The following CELSR1 variants were observed in gnomAD, a reference collection of about 807,000 sequenced individuals.
CELSR1 encodes the protein cadherin EGF LAG seven-pass G-type receptor 1.
A neutral mutation model predicts 249.1 loss-of-function variants in CELSR1; 110 were observed. The ratio of observed to expected loss-of-function variants is 0.44; its 90% CI spans 0.38 to 0.52. CELSR1 has a LOEUF of 0.52. Ranked by LOEUF, CELSR1 falls within the 20% of genes least tolerant of loss-of-function variation. The probability of loss-of-function intolerance (pLI) is 0.00; values close to 1 mark genes in which losing one functional copy is unlikely to be tolerated. For synonymous variants in CELSR1, 2,113 were observed against 1,900.0 expected (o/e 1.11, Z -2.92); for missense variants, 4,109 against 4,296.4 (o/e 0.96, Z 1.22).
At position 46,488,160 on chromosome 22, in the gene CELSR1, G is replaced by A. The variant is rs1474365701; in HGVS notation, c.3545-23815C>T. The stretch of plus-strand genomic sequence containing the variant: ...GGGCTCTGCAGGCTGACAGCAGCTG[G>A]GTGACAGCAGGAAGCAGCTGTGGTC... On this transcript the variant is annotated intron_variant, in intron 1 of 34. Coordinates refer to ENST00000674500, the MANE Select transcript of CELSR1 (RefSeq NM_001378328.1). This position sits in a 1 kb window ranked among gnomAD's most constrained non-coding sequence, Gnocchi z 4.7. 6.6e-6 allele frequency among the ~76,000 whole-genome samples: 1 copy of A among 151,920 alleles called. No individual in the cohort carries two copies. Among genetic ancestry groups the A allele is most frequent in the Non-Finnish European group, 1.5e-5 (1 of 67,924 alleles).
chr22:46,533,513 GC>G, intron 1 of CELSR1, 113 bp downstream of exon 1: 1 of 1,423,108 alleles, frequency 7.0e-7, no homozygotes, highest in Non-Finnish European at 9.3e-7. Flanking sequence ...TTGCAGAGTT[GC>G]CCGGGCCCGG....
In CELSR1 at chr22:46,389,467, C is replaced by T. The variant is rs748685500; in HGVS notation, c.6378G>A (p.Val2126=). Reference sequence around the variant, plus strand: ...CCAGCTGCAGGGCCCTGGCGCCGTCCACCTGCGTCTCATTGCGGCTCAGCT... The same window carrying T: ...CCAGCTGCAGGGCCCTGGCGCCGTCTACCTGCGTCTCATTGCGGCTCAGCT... The part of the protein sequence containing the change: ...NEKLSRNETQ[V]DGARALQLVR... The change falls in exon 18 of 35, where the codon GTG becomes GTA. Residue 2126 remains valine (V), a synonymous_variant. Transcript: ENST00000674500. The T allele has an allele frequency of 6.2e-7, 1 of 1,613,342 alleles. No individual in the cohort carries two copies. The highest frequency in any genetic ancestry group is 1.1e-5 in the South Asian group (1 of 91,078).
chr22:46,446,620 G>A lies in CELSR1; in HGVS notation c.4184-7209C>T, dbSNP rs932337607. 6.6e-6 allele frequency among the ~76,000 whole-genome samples: 1 copy of A among 151,846 alleles called. No individual in the cohort carries two copies. On this transcript the variant is annotated intron_variant, in intron 2 of 34. Coordinates refer to ENST00000674500, the MANE Select transcript of CELSR1 (RefSeq NM_001378328.1). This position sits in a 1 kb window ranked among gnomAD's most constrained non-coding sequence, Gnocchi z 5.5. ...AGGGTCGCAGGGGGTCGGTGGGGGG[G>A]AAAGCTGGGTCCATAGCAGGTACTG...
At chr22:46,389,164 G>C in intron 18 of CELSR1, 126 bp downstream of exon 18, 1 of 1,051,632 alleles carries the variant, frequency 9.5e-7, no homozygotes, top group South Asian at 1.3e-5. Flanking sequence ...TGAGAAATGA[G>C]GATGGGGATC....
At chr22:46,459,416 A>C (rs982850141) in intron 2 of CELSR1, among the ~76,000 whole-genome samples, 1 of 152,196 alleles carries the variant, frequency 6.6e-6, no homozygotes, top group African/African-American at 2.4e-5. Flanking sequence ...TGCCCCTTTC[A>C]ACCAGCACAG....
At chr22:46,489,439 G>A (rs1402712861) in intron 1 of CELSR1, among the ~76,000 whole-genome samples, 1 of 151,384 alleles carries the variant, frequency 6.6e-6, no homozygotes, top group Non-Finnish European at 1.5e-5. Flanking sequence ...CCCCAAGCTT[G>A]GGGGCCCCAA....
intron 1 of CELSR1, among the ~76,000 whole-genome samples, chr22:46,531,626 C>G (rs78767240): frequency 6.7e-4 from 102 of 152,308 alleles, no homozygotes; most frequent in African/African-American, 2.4e-3. Context: ...TTCTGCGGAT[C>G]GTGGTTTAAC....
rs777935236 is a variant in CELSR1, at chr22:46,396,681, C to T, written c.5767G>A (p.Val1923Met). ...LNPCENMGAC[V>M]RSPGSPQGYV... The stretch of plus-strand genomic sequence containing the variant: ...CCCTGCGGGGAGCCGGGGGAGCGCA[C>T]GCAGGCCCCCATGTTCTCGCAGGGG... The change falls in exon 13 of 35, where the codon GTG becomes ATG. Residue 1923 changes from valine to methionine, a missense_variant. Physicochemically the swap from Val to Met is conservative, Grantham distance 21. Transcript: ENST00000674500. This position sits in a 1 kb window ranked among gnomAD's most constrained non-coding sequence, Gnocchi z 6.4. The T allele has an allele frequency of 6.2e-6, 10 of 1,612,770 alleles. No individual in the cohort carries two copies. Among genetic ancestry groups the T allele is most frequent in the East Asian group, 2.2e-5 (1 of 44,832 alleles).
At chr22:46,475,279 AAGG>A (rs1244341317) in intron 1 of CELSR1, among the ~76,000 whole-genome samples, 14 of 152,164 alleles carry the variant, frequency 9.2e-5, no homozygotes, top group Non-Finnish European at 1.9e-4. Context: ...CACAAGAAAT[AAGG>A]AGGCCTTAAA....
intron 2 of CELSR1, among the ~76,000 whole-genome samples, chr22:46,444,601 T>C (rs1602145267): frequency 6.6e-6 from 1 of 152,184 alleles, no homozygotes; most frequent in Admixed American, 6.5e-5. Flanking sequence ...TAATGCGGAG[T>C]TGTATTTGCT....
intron 2 of CELSR1, among the ~76,000 whole-genome samples, chr22:46,462,081 G>A (rs73888513): frequency 5.1e-4 from 77 of 152,378 alleles, no homozygotes; most frequent in African/African-American, 1.9e-3. Context: ...TGTGGGCTGT[G>A]GGAGGCGGGG....
In CELSR1 at chr22:46,364,238, A is replaced by G; in HGVS notation, c.8793T>C (p.Asn2931=). Residue 2931 remains asparagine, a synonymous_variant, in exon 34 of 35, where the codon AAT becomes AAC. Transcript: ENST00000674500. ...PPEQRKGILK[N]KVTYPPPLTL... is the part of the protein sequence containing the mutation. ...TCAGCGGCGGCGGGTAGGTGACTTT[A>G]TTTTTCAAGATGCCTGGGAGGAGGA... 1.9e-6 allele frequency: 3 copies of G among 1,608,366 alleles called. No individual in the cohort carries two copies. The highest frequency in any genetic ancestry group is 2.2e-5 in the South Asian group (2 of 91,030).
intron 19 of CELSR1, among the ~76,000 whole-genome samples, chr22:46,385,987 T>TTTTTTTTTG (rs1479557409): frequency 6.6e-6 from 1 of 150,998 alleles, no homozygotes; most frequent in Admixed American, 6.6e-5. Flanking sequence ...TTTTTTTTTT[T>TTTTTTTTTG]GAGATGGAGT....
Position 46,535,958 on chromosome 22 carries a change from T to C in CELSR1, c.1213A>G (p.Ser405Gly). ...GAWDVFQLNE[S>G]SGVVSTRAVL... ...GCCCGTGTGCTCACCACGCCAGAGCTCTCGTTGAGCTGGAAGACGTCCCAC... is the reference window on the plus strand; with the variant it reads ...GCCCGTGTGCTCACCACGCCAGAGCCCTCGTTGAGCTGGAAGACGTCCCAC... Residue 405 changes from serine (S) to glycine (G), a missense_variant, in exon 1 of 35, where the codon AGC becomes GGC. By Grantham distance (56) the Ser-to-Gly change is moderately conservative (BLOSUM62 0). Coordinates refer to ENST00000674500, the MANE Select transcript of CELSR1 (RefSeq NM_001378328.1). 1 of 1,610,188 alleles carries C rather than the reference T, an allele frequency of 6.2e-7. No individual in the cohort carries two copies. Among genetic ancestry groups the C allele is most frequent in the Non-Finnish European group, 8.5e-7 (1 of 1,179,858 alleles).
In CELSR1 at chr22:46,399,574, G is replaced by A; in HGVS notation, c.5412+143C>T. On this transcript the variant is annotated intron_variant, in intron 10 of 34. Transcript: ENST00000674500. The surrounding 1 kb of genome is among the most constrained non-coding windows in gnomAD (Gnocchi z 5.0). ...AGTGACCTCAGTACAGGGCAGAACA[G>A]AAGCCCACCTGCGGGGACCCAGAAA... 3 of 756,452 alleles carry A rather than the reference G, an allele frequency of 4.0e-6. No individual in the cohort carries two copies. Among genetic ancestry groups the A allele is most frequent in the Non-Finnish European group, 6.5e-6 (3 of 460,958 alleles). The allele number at this position is 756,452 out of a possible 1,614,324, so 46.9% of individuals were successfully genotyped here.
intron 31 of CELSR1, 48 bp from the exon 32 acceptor site, chr22:46,365,428 G>T (rs1442431781): frequency 1.2e-6 from 2 of 1,600,932 alleles, no homozygotes; most frequent in Non-Finnish European, 1.7e-6. Flanking sequence ...GGAGGTGAGG[G>T]AGTCCCACCG....
intron 2 of CELSR1, among the ~76,000 whole-genome samples, chr22:46,457,556 G>A (rs1358804097): frequency 6.6e-6 from 1 of 152,172 alleles, no homozygotes; most frequent in African/African-American, 2.4e-5. Context: ...CGCCTTTCCT[G>A]TGATATCAGA....
At position 46,409,796 on chromosome 22, in the gene CELSR1, C is replaced by T; in HGVS notation, c.5018G>A (p.Cys1673Tyr). 3 of 1,614,018 alleles carry T rather than the reference C, an allele frequency of 1.9e-6. No homozygotes were observed. The highest frequency in any genetic ancestry group is 1.6e-4 in the Middle Eastern group (1 of 6,062). ...TCVNRWNMYL[C>Y]ECPLRFGGKN... ...CCCGCCGAATCGGAGTGGACACTCA[C>T]ACAGATACATATTCCACCTGTTGAC... The change falls in exon 8 of 35, where the codon TGT becomes TAT. Residue 1673 changes from cysteine (C) to tyrosine (Y), a missense_variant. Cys to Tyr is a radical substitution (Grantham distance 194). Coordinates refer to ENST00000674500, the MANE Select transcript of CELSR1 (RefSeq NM_001378328.1). This position sits in a 1 kb window ranked among gnomAD's most constrained non-coding sequence, Gnocchi z 9.8.
At chr22:46,458,133 A>T (rs535646508) in intron 2 of CELSR1, among the ~76,000 whole-genome samples, 3 of 152,120 alleles carry the variant, frequency 2.0e-5, no homozygotes, top group Admixed American at 6.5e-5. Flanking sequence ...CAGGGAGGGA[A>T]CATTCAGGGA....
Sources: gnomAD v4.1 joint callset for allele counts (sites outside exome capture counted in the v4.1 genomes callset) on GRCh38, gnomAD v4.1.1 for gene constraint, Gnocchi (gnomAD v3.1) non-coding constraint, MANE v1.5 for transcripts, NCBI Gene and HGNC (gene_info 2026-07-23, HGNC 2026-07-21) for gene names.